Variants in MAP4K4 observed in about 807,000 individuals in gnomAD.
MAP4K4 encodes the protein mitogen-activated protein kinase kinase kinase kinase 4.
Under a neutral mutation model 189.6 loss-of-function variants are expected in MAP4K4, and 38 were observed. The observed-to-expected ratio is 0.20, with a 90% CI of 0.15 to 0.26. The LOEUF (loss-of-function observed/expected upper bound fraction) is 0.26, where lower values mean the gene tolerates loss of function less well. Among genes scored for constraint, MAP4K4 ranks in the 10% least tolerant of loss-of-function variants. MAP4K4 has a pLI of 1.00. For synonymous variants in MAP4K4, 610 were observed against 624.3 expected (o/e 0.98, Z 0.34); for missense variants, 1,054 against 1,726.9 (o/e 0.61, Z 6.91).
intron 12 of MAP4K4, among the ~76,000 whole-genome samples, chr2:101,854,810 G>A (rs1334475936): frequency 1.3e-5 from 2 of 151,966 alleles, no homozygotes; most frequent in African/African-American, 4.8e-5. Flanking sequence ...TAATATTATT[G>A]GCTCTCTGTG....
At chr2:101,865,669 C>T (rs568688578) in intron 18 of MAP4K4, among the ~76,000 whole-genome samples, 1 of 152,262 alleles carries the variant, frequency 6.6e-6, no homozygotes, top group South Asian at 2.1e-4. Context: ...ACATTTTCAT[C>T]ATAACAGAAC....
chr2:101,779,755 A>G (rs1219448996), intron 2 of MAP4K4, among the ~76,000 whole-genome samples: 1 of 151,908 alleles, frequency 6.6e-6, no homozygotes. Context: ...AAGGGATACT[A>G]TCACATGTAA....
chr2:101,753,490 T>C (rs2070355279), intron 2 of MAP4K4, among the ~76,000 whole-genome samples: 2 of 152,152 alleles, frequency 1.3e-5, no homozygotes, highest in Admixed American at 6.5e-5. Context: ...AGGGTAGATA[T>C]CCATCTTTTT....
At chr2:101,744,312 T>A (rs911603554) in intron 2 of MAP4K4, among the ~76,000 whole-genome samples, 1 of 152,200 alleles carries the variant, frequency 6.6e-6, no homozygotes, top group African/African-American at 2.4e-5. Flanking sequence ...ATACATTAAT[T>A]AGGCAATTTA....
chr2:101,776,312 C>G (rs2084062653), intron 2 of MAP4K4, among the ~76,000 whole-genome samples: 1 of 152,108 alleles, frequency 6.6e-6, no homozygotes, highest in African/African-American at 2.4e-5. Flanking sequence ...GTTCTGCACT[C>G]AAGAATATCG....
intron 2 of MAP4K4, among the ~76,000 whole-genome samples, chr2:101,720,189 T>G (rs1329920965): frequency 6.7e-6 from 1 of 150,046 alleles, no homozygotes; most frequent in East Asian, 2.0e-4. Context: ...AGTGGTGTTT[T>G]TTTTTTTTTT....
intron 3 of MAP4K4, among the ~76,000 whole-genome samples, chr2:101,798,544 G>T (rs145228981): frequency 3.3e-5 from 5 of 152,144 alleles, no homozygotes; most frequent in African/African-American, 1.2e-4. Context: ...ATTCAGAGAG[G>T]TGCTTGACCT....
chr2:101,871,589 C>T (rs1270057049), exon 24 of MAP4K4: 2 of 1,536,418 alleles, frequency 1.3e-6, no homozygotes, highest in South Asian at 1.2e-5. Flanking sequence ...AAAGCCATTC[C>T]TCCTCCACTT....
At chr2:101,747,457 T>A (rs998884523) in intron 2 of MAP4K4, among the ~76,000 whole-genome samples, 2 of 152,122 alleles carry the variant, frequency 1.3e-5, no homozygotes, top group Admixed American at 1.3e-4. Flanking sequence ...GTATATTTCT[T>A]TTAGGTTTGG....
chr2:101,867,207 A>G lies in MAP4K4; in HGVS notation c.2357-5A>G, dbSNP rs781287064. ...TGTCCATCTTGTCCCTTTTGAACCC[A>G]ACAGCATCATCCAAGTCTGAAGGCT... On this transcript the variant is annotated splice_polypyrimidine_tract_variant and splice_region_variant and intron_variant, in intron 19 of 32. Coordinates refer to ENST00000324219, the Ensembl canonical transcript of MAP4K4. The G allele has an allele frequency of 3.1e-6, 5 of 1,588,202 alleles. No homozygotes were observed. The South Asian group carries it at 5.7e-5, about 18-fold the overall frequency.
At chr2:101,819,387 C>G (rs1559063430) in intron 3 of MAP4K4, among the ~76,000 whole-genome samples, 1 of 152,226 alleles carries the variant, frequency 6.6e-6, no homozygotes, top group South Asian at 2.1e-4. Flanking sequence ...CCAGTTGTAG[C>G]TGGCTCAAAG....
At chr2:101,816,039 C>G (rs2095692745) in intron 3 of MAP4K4, among the ~76,000 whole-genome samples, 1 of 152,188 alleles carries the variant, frequency 6.6e-6, no homozygotes, top group Admixed American at 6.5e-5. Flanking sequence ...AGACTCAGTT[C>G]TGTCTCCTCA....
chr2:101,784,282 G>GTGTA (rs1553464748), intron 2 of MAP4K4, among the ~76,000 whole-genome samples: 27 of 140,186 alleles, frequency 1.9e-4, no homozygotes, highest in African/African-American at 7.6e-4. Flanking sequence ...GTGTGTGTGT[G>GTGTA]TGTGTATGTG....
intron 2 of MAP4K4, among the ~76,000 whole-genome samples, chr2:101,778,257 C>G (rs1353943099): frequency 6.6e-6 from 1 of 152,192 alleles, no homozygotes; most frequent in Non-Finnish European, 1.5e-5. Flanking sequence ...CCACCTTAGG[C>G]AGTTCCGTAG....
intron 2 of MAP4K4, among the ~76,000 whole-genome samples, chr2:101,787,820 T>C (rs1357624530): frequency 6.6e-6 from 1 of 151,226 alleles, no homozygotes. Context: ...TTTTTTTTTT[T>C]TGAGACAGAG....
intron 2 of MAP4K4, among the ~76,000 whole-genome samples, chr2:101,710,721 A>G (rs1252629163): frequency 6.6e-6 from 1 of 152,198 alleles, no homozygotes; most frequent in Non-Finnish European, 1.5e-5. Context: ...ATACGGTGGT[A>G]TGCACAGTGA....
At chr2:101,736,281 A>C (rs1487376013) in intron 2 of MAP4K4, among the ~76,000 whole-genome samples, 1 of 152,194 alleles carries the variant, frequency 6.6e-6, no homozygotes, top group Non-Finnish European at 1.5e-5. Context: ...AAGCTCTTTA[A>C]TGCGACTCTA....
intron 3 of MAP4K4, among the ~76,000 whole-genome samples, chr2:101,797,888 A>ATTTTTTTTTT (rs1558971586): frequency 2.6e-4 from 2 of 7,622 alleles, no homozygotes; most frequent in African/African-American, 7.1e-4. Flanking sequence ...ACATTCTTTT[A>ATTTTTTTTTT]GTTTTTTTTT....
chr2:101,808,949 CTT>C (rs2095230996), intron 3 of MAP4K4, among the ~76,000 whole-genome samples: 1 of 152,112 alleles, frequency 6.6e-6, no homozygotes, highest in African/African-American at 2.4e-5. Flanking sequence ...TATTTCCAGT[CTT>C]TGCGGAGTAA....
Sources: allele counts gnomAD v4.1 joint callset (sites outside exome capture counted in the v4.1 genomes callset), GRCh38; gene constraint gnomAD v4.1.1; transcripts MANE v1.5; gene names NCBI Gene and HGNC (gene_info 2026-07-23, HGNC 2026-07-21).